CADM2: variants seen among roughly 807,000 people sequenced by gnomAD.
The protein encoded by CADM2 is cell adhesion molecule 2.
In CADM2, 12 loss-of-function variants were observed where a neutral mutation model predicts 49.8. The observed-to-expected ratio is 0.24, with a 90% confidence interval of 0.15 to 0.39. The LOEUF is 0.39. Ranked by LOEUF, CADM2 falls within the 10% of genes least tolerant of loss-of-function variation. The pLI, the probability that CADM2 is intolerant of heterozygous loss-of-function variation, is 1.00. For missense variants in CADM2, 378 were observed against 492.3 expected (o/e 0.77, Z 2.20); for synonymous variants, 214 against 175.4 (o/e 1.22, Z -1.74).
chr3:85,360,919 T>C (rs544641245), intron 1 of CADM2, among the ~76,000 whole-genome samples: 1 of 152,288 alleles, frequency 6.6e-6, no homozygotes, highest in Admixed American at 6.5e-5. Context: ...TGTGGCATCC[T>C]TCACATGCTA....
At chr3:85,894,501 AAAC>A (rs747802944) in intron 5 of CADM2, among the ~76,000 whole-genome samples, 1 of 152,194 alleles carries the variant, frequency 6.6e-6, no homozygotes, top group Non-Finnish European at 1.5e-5. Flanking sequence ...TATAAAAAAA[AAAC>A]CCCATTTTCT....
intron 1 of CADM2, among the ~76,000 whole-genome samples, chr3:85,593,019 G>T (rs1341546936): frequency 6.6e-6 from 1 of 151,888 alleles, no homozygotes. Context: ...TATTCTGTCT[G>T]CCTAAGTGCT....
intron 1 of CADM2, among the ~76,000 whole-genome samples, chr3:85,449,885 C>G (rs993137): frequency 6.6e-6 from 1 of 151,788 alleles, no homozygotes. Context: ...TTTTTTTAAC[C>G]TAGCCCAATG....
rs577061769 is a variant in CADM2, at chr3:85,596,919, G to A, written c.62-129603G>A. Among the ~76,000 whole-genome samples, 45 of 152,188 alleles carry A rather than the reference G, an allele frequency of 3.0e-4. 1 individual carries two copies. Among genetic ancestry groups the A allele is most frequent in the African/African-American group, 1.1e-3 (44 of 41,540 alleles). On this transcript the variant is annotated intron_variant, in intron 1 of 9. Coordinates refer to ENST00000383699, the MANE Select transcript of CADM2 (RefSeq NM_001167675.2). ...TTTAGTAGAGACAGGCTTTCGCCAT[G>A]TTGGCCAGGCTGGTCTCAAACTCCT...
chr3:85,981,226 C>T (rs563457161), intron 8 of CADM2, among the ~76,000 whole-genome samples: 66 of 151,638 alleles, frequency 4.4e-4, no homozygotes, highest in East Asian at 1.9e-3. Context: ...CAAACCTACA[C>T]ACACACATTT....
intron 1 of CADM2, among the ~76,000 whole-genome samples, chr3:85,249,102 T>C (rs529299127): frequency 6.6e-6 from 1 of 152,264 alleles, no homozygotes; most frequent in African/African-American, 2.4e-5. Context: ...CTAAACTATA[T>C]TGTGAGACAA....
rs192444085 is a variant in CADM2, at chr3:85,147,059, G to A, written c.61+187391G>A. Among the ~76,000 whole-genome samples the A allele has an allele frequency of 2.5e-3, 383 of 152,126 alleles. 4 individuals are homozygous for A. The highest frequency in any genetic ancestry group is 8.9e-3 in the African/African-American group (370 of 41,524). On this transcript the variant is annotated intron_variant, in intron 1 of 9. Transcript: ENST00000383699. The stretch of plus-strand genomic sequence containing the variant: ...AGGCCGACACGGGCGGATCACCTGA[G>A]GTCAGGAGGTCAAGACCATCCTGGC...
chr3:85,020,670 G>A (rs900456460), intron 1 of CADM2, among the ~76,000 whole-genome samples: 1 of 151,956 alleles, frequency 6.6e-6, no homozygotes, highest in Non-Finnish European at 1.5e-5. Context: ...GAATACCGCT[G>A]TATAACACAT....
intron 1 of CADM2, among the ~76,000 whole-genome samples, chr3:85,465,171 A>T (rs577564773): frequency 6.6e-6 from 1 of 152,218 alleles, no homozygotes; most frequent in East Asian, 1.9e-4. Context: ...AAACAAAACA[A>T]CAACAACAAA....
intron 1 of CADM2, among the ~76,000 whole-genome samples, chr3:85,629,849 C>T (rs1043231213): frequency 7.2e-5 from 11 of 152,106 alleles, no homozygotes; most frequent in African/African-American, 2.6e-4. Context: ...TTAAACTACT[C>T]TGTTTTCTTA....
chr3:85,218,217 G>C (rs2041973852), intron 1 of CADM2, among the ~76,000 whole-genome samples: 1 of 151,974 alleles, frequency 6.6e-6, no homozygotes, highest in Non-Finnish European at 1.5e-5. Flanking sequence ...AGGTCACCTG[G>C]AAGTGAGTTA....
At chr3:85,755,122 G>A (rs776797874) in intron 2 of CADM2, among the ~76,000 whole-genome samples, 14 of 152,194 alleles carry the variant, frequency 9.2e-5, no homozygotes, top group Admixed American at 2.6e-4. Context: ...CCACAAATTA[G>A]GAGTCAGTTG....
At chr3:85,959,150 A>ATCTATC (rs141472491) in intron 7 of CADM2, among the ~76,000 whole-genome samples, 23 of 145,344 alleles carry the variant, frequency 1.6e-4, no homozygotes, top group African/African-American at 5.6e-4. Context: ...TTATCTATCT[A>ATCTATC]TCTCTCTCTC....
chr3:85,190,496 T>C (rs2041183245), intron 1 of CADM2, among the ~76,000 whole-genome samples: 1 of 152,184 alleles, frequency 6.6e-6, no homozygotes, highest in South Asian at 2.1e-4. Flanking sequence ...TATGAAACTC[T>C]ATGGCTGTGT....
intron 1 of CADM2, among the ~76,000 whole-genome samples, chr3:85,567,266 C>A (rs1241847724): frequency 6.6e-6 from 1 of 152,156 alleles, no homozygotes; most frequent in Non-Finnish European, 1.5e-5. Context: ...GTTAATAGCG[C>A]CCCCTGTAGG....
chr3:85,097,442 T>G (rs1057130018), intron 1 of CADM2, among the ~76,000 whole-genome samples: 20 of 152,196 alleles, frequency 1.3e-4, no homozygotes, highest in African/African-American at 4.8e-4. Flanking sequence ...CTATTGTGAA[T>G]AGTGCCGCAA....
intron 1 of CADM2, among the ~76,000 whole-genome samples, chr3:85,334,221 A>G (rs1188584950): frequency 1.3e-5 from 2 of 151,580 alleles, no homozygotes; most frequent in East Asian, 1.9e-4. Context: ...ATGATTTTCT[A>G]TCATTTTCTC....
intron 3 of CADM2, among the ~76,000 whole-genome samples, chr3:85,802,495 G>GAGTTTTT (rs2072111704): frequency 6.6e-6 from 1 of 151,982 alleles, no homozygotes. Context: ...TAGCTATGTT[G>GAGTTTTT]TGTATAGTTT....
At chr3:85,936,356 C>T (rs1381701564) in intron 7 of CADM2, among the ~76,000 whole-genome samples, 1 of 151,698 alleles carries the variant, frequency 6.6e-6, no homozygotes, top group Non-Finnish European at 1.5e-5. Flanking sequence ...AAAGTAATTT[C>T]AATATTAGAA....
Sources: gnomAD v4.1 joint callset for allele counts (sites outside exome capture counted in the v4.1 genomes callset) on GRCh38, gnomAD v4.1.1 for gene constraint, MANE v1.5 for transcripts, NCBI Gene and HGNC (gene_info 2026-07-23, HGNC 2026-07-21) for gene names.